Variants in CSTF1 observed in about 807,000 individuals in gnomAD.
CSTF1 encodes the protein cleavage stimulation factor subunit 1.
In CSTF1, 2 loss-of-function variants were observed where a neutral mutation model predicts 40.9. That is an observed-to-expected ratio of 0.05 (90% CI 0.02 to 0.15). The LOEUF (loss-of-function observed/expected upper bound fraction) is 0.15. CSTF1 is among the 10% of genes least tolerant of loss of function. The probability of loss-of-function intolerance (pLI) is 1.00; values close to 1 mark genes in which losing one functional copy is unlikely to be tolerated. For synonymous variants in CSTF1, 218 were observed against 207.2 expected, an observed-to-expected ratio of 1.05 and a Z score of -0.45; for missense variants, 279 against 558.9, an observed-to-expected ratio of 0.50 and a Z score of 5.05.
At chr20:56,396,306 A>G (rs1290383017) in intron 2 of CSTF1, among the ~76,000 whole-genome samples, 1 of 152,236 alleles carries the variant, frequency 6.6e-6, no homozygotes, top group African/African-American at 2.4e-5. Context: ...ATTACCAAAC[A>G]TGTTAATACC....
chr20:56,403,393 T>A, intron 5 of CSTF1, 75 bp from the exon 6 acceptor site: 1 of 1,556,924 alleles, frequency 6.4e-7, no homozygotes, highest in Non-Finnish European at 8.8e-7. Context: ...AAAATGCTTT[T>A]ACATTGAATG....
rs563806478 is a variant in CSTF1, at chr20:56,403,457, C to T, written c.1037-11C>T. The T allele has an allele frequency of 8.7e-6, 14 of 1,613,738 alleles. No homozygotes were observed. Among genetic ancestry groups the T allele is most frequent in the African/African-American group, 6.7e-5 (5 of 74,906 alleles). On this transcript the variant is annotated splice_polypyrimidine_tract_variant and intron_variant, in intron 5 of 5. Coordinates refer to ENST00000217109, the MANE Select transcript of CSTF1 (RefSeq NM_001324.3). ...GACTTAGAAAGCTATCCCTCTTGCT[C>T]TCTGTGGCAGGCGCGGGTTTAAGTG...
At chr20:56,398,799 A>G (rs1202816348) in intron 4 of CSTF1, among the ~76,000 whole-genome samples, 168 bp from the exon 5 acceptor site, 1 of 152,216 alleles carries the variant, frequency 6.6e-6, no homozygotes, top group Non-Finnish European at 1.5e-5. Flanking sequence ...AAATCTATTC[A>G]AAAAATACTT....
In CSTF1 at chr20:56,395,509, C is replaced by T; in HGVS notation, c.-32-12C>T. 1 of 1,581,658 alleles carries T rather than the reference C, an allele frequency of 6.3e-7. No individual in the cohort carries two copies. Among genetic ancestry groups the T allele is most frequent in the Non-Finnish European group, 8.6e-7 (1 of 1,160,544 alleles). On this transcript the variant is annotated splice_polypyrimidine_tract_variant and intron_variant, in intron 1 of 5. Coordinates refer to ENST00000217109, the MANE Select transcript of CSTF1 (RefSeq NM_001324.3). ...GCCTGTACCCTTCACCGTCCATTTT[C>T]CGTTTTTGCAGCTGGCAGGGAAACT...
Position 56,397,565 on chromosome 20 carries a change from T to A in CSTF1, c.448-79T>A. ...AATGAGAGTATGGTTGAAACCAGCT[T>A]TAGTTTGCTACAGTTGTGGATTGTG... On this transcript the variant is annotated intron_variant, in intron 3 of 5. Coordinates refer to ENST00000217109, the MANE Select transcript of CSTF1 (RefSeq NM_001324.3). This position sits in a 1 kb window ranked among gnomAD's most constrained non-coding sequence, Gnocchi z 4.4. The A allele has an allele frequency of 6.3e-7, 1 of 1,598,486 alleles. No individual in the cohort carries two copies.
rs1978581687 is a variant in CSTF1 at position 56,403,781 on chromosome 20, C to A, written c.*54C>A. 1 of 1,547,500 alleles carries A rather than the reference C, an allele frequency of 6.5e-7. No homozygotes were observed. The highest frequency in any genetic ancestry group is 8.8e-7 in the Non-Finnish European group (1 of 1,136,720). Reference sequence around the variant, plus strand: ...AGGACTCTACCCTCCTCCCCCACGTCCTGTCTCAGCTGCAGTCGTAAGTCC... The same window carrying A: ...AGGACTCTACCCTCCTCCCCCACGTACTGTCTCAGCTGCAGTCGTAAGTCC... On this transcript the variant is annotated 3_prime_UTR_variant, in exon 6 of 6. Transcript: ENST00000217109.
chr20:56,394,201 A>G (rs962923146), intron 1 of CSTF1, among the ~76,000 whole-genome samples: 3 of 152,264 alleles, frequency 2.0e-5, no homozygotes, highest in African/African-American at 7.2e-5. Flanking sequence ...TGATGCTTAC[A>G]AAGTACTTAG....
chr20:56,402,545 T>C (rs1333522066), intron 5 of CSTF1, among the ~76,000 whole-genome samples: 1 of 152,236 alleles, frequency 6.6e-6, no homozygotes, highest in Non-Finnish European at 1.5e-5. Context: ...ATTCTGTCTC[T>C]AGGAATTTAC....
chr20:56,398,931 A>G (rs758873092), intron 4 of CSTF1, 36 bp from the exon 5 acceptor site: 11 of 1,529,614 alleles, frequency 7.2e-6, no homozygotes, highest in African/African-American at 1.4e-5. Flanking sequence ...ATTGTTCACC[A>G]GTTGGTCACT....
chr20:56,403,145 A>G (rs1224032772), intron 5 of CSTF1, among the ~76,000 whole-genome samples: 2 of 151,964 alleles, frequency 1.3e-5, no homozygotes, highest in Non-Finnish European at 2.9e-5. Flanking sequence ...GGACAGTAAC[A>G]GTATTGCTTC....
chr20:56,394,692 G>T (rs752157852), intron 1 of CSTF1, among the ~76,000 whole-genome samples: 2 of 152,196 alleles, frequency 1.3e-5, no homozygotes, highest in Non-Finnish European at 2.9e-5. Flanking sequence ...ATACATAAAG[G>T]CATTGATTTT....
chr20:56,395,397 G>T (rs1465866934), intron 1 of CSTF1, 124 bp from the exon 2 acceptor site: 1 of 587,020 alleles, frequency 1.7e-6, no homozygotes, highest in Non-Finnish European at 2.9e-6. Flanking sequence ...ACTGACCAAA[G>T]ATAATGCAGC....
In CSTF1 at chr20:56,405,641, AT is replaced by A. The variant is rs2146252831; in HGVS notation, c.*1917del. ...GTTACATCACAGGGTTTTAGCTCAG[AT>A]TTCCAAAGAGCCATATTTTTTGATG... On this transcript the variant is annotated 3_prime_UTR_variant, in exon 6 of 6. Coordinates refer to ENST00000217109, the MANE Select transcript of CSTF1 (RefSeq NM_001324.3). 1 of 152,324 alleles carries A rather than the reference AT, an allele frequency of 6.6e-6. No homozygotes were observed. Among genetic ancestry groups the A allele is most frequent in the Admixed American group, 6.5e-5 (1 of 15,292 alleles). 9.4% of individuals were successfully genotyped at this position (152,324 alleles called of 1,614,324 possible). A position where few individuals can be genotyped will look rare whatever the true frequency, so the allele number is the denominator to read the frequency against.
In CSTF1 at chr20:56,403,776, C is replaced by T. The variant is rs375719269; in HGVS notation, c.*49C>T. ...TCTCGAGGACTCTACCCTCCTCCCCCACGTCCTGTCTCAGCTGCAGTCGTA... is the reference window on the plus strand; with the variant it reads ...TCTCGAGGACTCTACCCTCCTCCCCTACGTCCTGTCTCAGCTGCAGTCGTA... On this transcript the variant is annotated 3_prime_UTR_variant, in exon 6 of 6. Transcript: ENST00000217109. 18 of 1,557,136 alleles carry T rather than the reference C, an allele frequency of 1.2e-5. No homozygotes were observed. The highest frequency in any genetic ancestry group is 2.7e-5 in the African/African-American group (2 of 74,062).
chr20:56,402,731 T>C (rs1461883677), intron 5 of CSTF1, among the ~76,000 whole-genome samples: 5 of 152,130 alleles, frequency 3.3e-5, no homozygotes, highest in Non-Finnish European at 5.9e-5. Context: ...GGTCAGGAGA[T>C]AAAGACCATC....
Position 56,397,640 on chromosome 20 carries a change from C to T in CSTF1, c.448-4C>T, listed in dbSNP as rs1987555415. ...GCCTTGAGCATCTCTTCTTGTTGGT[C>T]TAGGTCATGATGAATGAGACCGCAC... On this transcript the variant is annotated splice_polypyrimidine_tract_variant and splice_region_variant and intron_variant, in intron 3 of 5. Transcript: ENST00000217109. This position sits in a 1 kb window ranked among gnomAD's most constrained non-coding sequence, Gnocchi z 4.4. 6.2e-7 allele frequency: 1 copy of T among 1,613,872 alleles called. No individual in the cohort carries two copies. Among genetic ancestry groups the T allele is most frequent in the African/African-American group, 1.3e-5 (1 of 75,040 alleles).
In CSTF1 at chr20:56,399,808, G is replaced by A. The variant is rs112542940; in HGVS notation, c.1036+451G>A. On this transcript the variant is annotated intron_variant, in intron 5 of 5. Transcript: ENST00000217109. This position sits in a 1 kb window ranked among gnomAD's most constrained non-coding sequence, Gnocchi z 4.6. ...AGACCTAGCCCGCAAAGGAAACCAC[G>A]TTAATTCTGAATGCAGATATAAAGT... Among the ~76,000 whole-genome samples the A allele has an allele frequency of 1.3e-5, 2 of 152,294 alleles. No individual in the cohort carries two copies. Among genetic ancestry groups the A allele is most frequent in the Admixed American group, 6.5e-5 (1 of 15,300 alleles).
At chr20:56,395,774 C>T (rs769863961) in intron 2 of CSTF1, 53 bp downstream of exon 2, 12 of 1,573,726 alleles carry the variant, frequency 7.6e-6, no homozygotes, top group Non-Finnish European at 1.0e-5. Flanking sequence ...TAGATATTTT[C>T]ATATGGCAGA....
Position 56,405,161 on chromosome 20 carries a change from T to TA in CSTF1, c.*1438dup, listed in dbSNP as rs1309839757. 6.6e-6 allele frequency: 1 copy of TA among 152,136 alleles called. No homozygotes were observed. The highest frequency in any genetic ancestry group is 1.5e-5 in the Non-Finnish European group (1 of 68,012). 9.4% of individuals were successfully genotyped at this position (152,136 alleles called of 1,614,324 possible). On this transcript the variant is annotated 3_prime_UTR_variant, in exon 6 of 6. Coordinates refer to ENST00000217109, the MANE Select transcript of CSTF1 (RefSeq NM_001324.3). ...GATAAAAATAGTAAATAGATTGAAG[T>TA]AAAAGTCATTGCTTTATATTATAGG... is the stretch of plus-strand genomic sequence containing the variant.
Sources: gnomAD v4.1 joint callset for allele counts (sites outside exome capture counted in the v4.1 genomes callset) on GRCh38, gnomAD v4.1.1 for gene constraint, Gnocchi (gnomAD v3.1) non-coding constraint, MANE v1.5 for transcripts, NCBI Gene and HGNC (gene_info 2026-07-23, HGNC 2026-07-21) for gene names.